Variants in SNAP23 observed in about 807,000 individuals in gnomAD.
SNAP23 encodes synaptosomal-associated protein 23.
A neutral mutation model predicts 29.0 loss-of-function variants in SNAP23; 11 were observed. That is an observed-to-expected ratio of 0.38 (90% confidence interval 0.24 to 0.63). The LOEUF is 0.63. Ranked by LOEUF, SNAP23 falls within the 20% of genes least tolerant of loss-of-function variation. The probability of loss-of-function intolerance (pLI) is 0.58; values close to 1 mark genes in which losing one functional copy is unlikely to be tolerated. For missense variants in SNAP23, 220 were observed against 253.9 expected (o/e 0.87, Z 0.91); for synonymous variants, 60 against 82.9 (o/e 0.72, Z 1.50).
intron 1 of SNAP23, chr15:42,505,333 G>A (rs1337591015): frequency 2.6e-5 from 4 of 152,200 alleles, no homozygotes; most frequent in African/African-American, 9.7e-5. Context: ...CCACAGTGCT[G>A]GGATTACAGG....
chr15:42,506,309 C>T (rs763527638), intron 1 of SNAP23, among the ~76,000 whole-genome samples: 3 of 152,060 alleles, frequency 2.0e-5, no homozygotes, highest in Non-Finnish European at 4.4e-5. Context: ...GGGATCATGG[C>T]TCACTGCAGC....
chr15:42,502,519 C>CTAAATAAATAAATAAA (rs74278905), intron 1 of SNAP23, among the ~76,000 whole-genome samples: 2 of 151,568 alleles, frequency 1.3e-5, no homozygotes, highest in Admixed American at 6.6e-5. Context: ...CTATATCTAC[C>CTAAATAAATAAATAAA]TAAATAAATA....
intron 5 of SNAP23, among the ~76,000 whole-genome samples, chr15:42,519,559 G>A (rs1023609513): frequency 3.3e-5 from 5 of 151,154 alleles, no homozygotes; most frequent in Non-Finnish European, 7.4e-5. Context: ...TAGTAGAGAC[G>A]GGGTTTTGCC....
upstream of SNAP23, among the ~76,000 whole-genome samples, chr15:42,493,932 C>G (rs1428936010): frequency 6.6e-6 from 1 of 152,026 alleles, no homozygotes; most frequent in Admixed American, 6.6e-5. Context: ...CTCTTTCTCC[C>G]TCCCTGCCCT....
chr15:42,525,378 A>AC lies in SNAP23; in HGVS notation c.267-2884_267-2883insC, dbSNP rs1237314133. ...GCGAGACTCCGTCTCAAAAAAAAAA[A>AC]AAAAAATTCAAAGTCAGCTTTTTGT... On this transcript the variant is annotated intron_variant, in intron 5 of 7. Coordinates refer to ENST00000249647, the MANE Select transcript of SNAP23 (RefSeq NM_003825.4). Among the ~76,000 whole-genome samples the AC allele has an allele frequency of 7.5e-4, 113 of 150,956 alleles. 1 individual carries two copies. The highest frequency in any genetic ancestry group is 2.6e-3 in the African/African-American group (108 of 41,182).
chr15:42,492,086 T>C (rs998614990), upstream of SNAP23, among the ~76,000 whole-genome samples: 5 of 151,824 alleles, frequency 3.3e-5, no homozygotes, highest in South Asian at 2.1e-4. Context: ...AATTTTTGTA[T>C]TTTTAGTAGA....
chr15:42,526,049 A>G (rs1407292082), intron 5 of SNAP23, among the ~76,000 whole-genome samples: 3 of 152,156 alleles, frequency 2.0e-5, no homozygotes, highest in Admixed American at 2.0e-4. Flanking sequence ...TGTCAGAAAC[A>G]TAATATCTCA....
intron 5 of SNAP23, among the ~76,000 whole-genome samples, chr15:42,524,339 T>A (rs978997616): frequency 5.3e-5 from 8 of 152,136 alleles, no homozygotes; most frequent in Non-Finnish European, 1.0e-4. Flanking sequence ...GAGTGCAGCC[T>A]ACTATCTATG....
chr15:42,499,976 T>C (rs1245080144), intron 1 of SNAP23, among the ~76,000 whole-genome samples: 2 of 152,124 alleles, frequency 1.3e-5, no homozygotes, highest in East Asian at 1.9e-4. Flanking sequence ...AGACTGTCTC[T>C]ACAAAAATTT....
intron 5 of SNAP23, among the ~76,000 whole-genome samples, chr15:42,525,968 T>C (rs1421843067): frequency 2.0e-5 from 3 of 152,134 alleles, no homozygotes; most frequent in Admixed American, 2.0e-4. Context: ...GGGAAGGAGG[T>C]TGGAATGCAT....
In SNAP23 at chr15:42,531,661, C is replaced by T; in HGVS notation, c.*183C>T. 2.2e-6 allele frequency: 1 copy of T among 453,752 alleles called. No homozygotes were observed. Among genetic ancestry groups the T allele is most frequent in the South Asian group, 4.7e-5 (1 of 21,360 alleles). 28.1% of individuals were successfully genotyped at this position (453,752 alleles called of 1,614,324 possible). ...TTTCTGTTGAGGGCCGACTGCTGCT[C>T]TGCCTTCCTTCTAGTATTTTCTTTC... is the stretch of plus-strand genomic sequence containing the variant. On this transcript the variant is annotated 3_prime_UTR_variant, in exon 8 of 8. Transcript: ENST00000249647.
intron 5 of SNAP23, chr15:42,521,598 C>T (rs1423952087): frequency 6.5e-7 from 1 of 1,532,770 alleles, no homozygotes; most frequent in South Asian, 1.2e-5. Context: ...TTCTAATCTG[C>T]TTACTAAAAA....
chr15:42,516,960 C>T (rs899030815), intron 5 of SNAP23, among the ~76,000 whole-genome samples: 4 of 152,172 alleles, frequency 2.6e-5, no homozygotes, highest in Admixed American at 2.6e-4. Flanking sequence ...CGCTCTGTCA[C>T]CCAGGCTGGA....
intron 5 of SNAP23, among the ~76,000 whole-genome samples, chr15:42,523,826 G>GTTTA (rs1555380336): frequency 6.6e-5 from 10 of 151,838 alleles, no homozygotes; most frequent in African/African-American, 2.4e-4. Context: ...TTGTTTGTTT[G>GTTTA]TTTATTTTTA....
chr15:42,498,329 C>T (rs904144032), intron 1 of SNAP23, among the ~76,000 whole-genome samples: 1 of 152,188 alleles, frequency 6.6e-6, no homozygotes, highest in South Asian at 2.1e-4. Context: ...CCAGGCATTT[C>T]CGTACATCCT....
intron 1 of SNAP23, among the ~76,000 whole-genome samples, chr15:42,502,870 G>A (rs1289903237): frequency 6.6e-6 from 1 of 152,200 alleles, no homozygotes; most frequent in Admixed American, 6.5e-5. Context: ...AATTGTGGAA[G>A]TTCCTAATTT....
chr15:42,528,215 C>T (rs185789908), intron 5 of SNAP23, 47 bp from the exon 6 acceptor site: 86 of 1,547,964 alleles, frequency 5.6e-5, no homozygotes, highest in Non-Finnish European at 6.9e-5. Context: ...TAGAACTCTC[C>T]GTCTTCTTTT....
upstream of SNAP23, among the ~76,000 whole-genome samples, chr15:42,494,833 C>T (rs17709742): frequency 0.028 from 4,210 of 152,100 alleles, 97 homozygotes; most frequent in Middle Eastern, 0.048. Context: ...ACTTTCTTTT[C>T]TTGATTTCCA....
intron 6 of SNAP23, among the ~76,000 whole-genome samples, chr15:42,529,461 T>A (rs1395256871): frequency 6.6e-6 from 1 of 152,308 alleles, no homozygotes; most frequent in East Asian, 1.9e-4. Flanking sequence ...TTTCAGAGTT[T>A]CTTTCTTTTC....
Sources: gnomAD v4.1 joint callset for allele counts (sites outside exome capture counted in the v4.1 genomes callset) on GRCh38, gnomAD v4.1.1 for gene constraint, MANE v1.5 for transcripts, NCBI Gene and HGNC (gene_info 2026-07-23, HGNC 2026-07-21) for gene names.